RP1L1: variants seen among roughly 807,000 people sequenced by gnomAD.
RP1L1 encodes the protein retinitis pigmentosa 1-like 1 protein.
Under a neutral mutation model 15.7 loss-of-function variants are expected in RP1L1, and 27 were observed. That is an observed-to-expected ratio of 1.72 (90% CI 1.27 to 2.38). RP1L1 has a LOEUF of 2.38. RP1L1 is among the 30% of genes most tolerant of loss of function. The pLI is 0.00. For synonymous variants in RP1L1, 1,813 were observed against 1,276.7 expected (o/e 1.42, Z -8.96); for missense variants, 4,798 against 3,075.9 (o/e 1.56, Z -13.24).
intron 1 of RP1L1, among the ~76,000 whole-genome samples, chr8:10,629,973 A>G (rs1798215945): frequency 1.3e-5 from 2 of 152,112 alleles, no homozygotes; most frequent in South Asian, 4.2e-4. Context: ...CAGGGAGTCA[A>G]AGGTCAGAGT....
At chr8:10,614,954 C>T (rs1357264360) in intron 3 of RP1L1, among the ~76,000 whole-genome samples, 1 of 151,754 alleles carries the variant, frequency 6.6e-6, no homozygotes, top group Non-Finnish European at 1.5e-5. Context: ...CAAATTCCAT[C>T]TCCTGAGCCA....
rs761848726 is a variant in RP1L1, at chr8:10,610,597, C to A, written c.3501G>T (p.Gln1167His). ...TGAGCTCCCAGAGGCCTGAGTCCAG[C>A]TGGTCTTCCCCAACGTCACATCCTG... Reference protein sequence around the residue: ...LWPGCDVGEDQLDSGLWELTW... With the variant: ...LWPGCDVGEDHLDSGLWELTW... Residue 1167 changes from glutamine (Q) to histidine (H), a missense_variant, in exon 4 of 4, where the codon CAG becomes CAT. Physicochemically the swap from Gln to His is conservative, Grantham distance 24. Transcript: ENST00000382483. 6.2e-7 allele frequency: 1 copy of A among 1,613,580 alleles called. No individual in the cohort carries two copies. Among genetic ancestry groups the A allele is most frequent in the East Asian group, 2.2e-5 (1 of 44,882 alleles).
rs182218775 is a variant in RP1L1 at position 10,634,243 on chromosome 8, C to G, written c.-19-11023G>C. On this transcript the variant is annotated intron_variant, in intron 1 of 3. Transcript: ENST00000382483. ...TATCCACCTCCTAAATCAACTGAAC[C>G]ATGTGCCTGTCACCCTCTTCTGCAA... is the stretch of plus-strand genomic sequence containing the variant. Among the ~76,000 whole-genome samples, 487 of 152,320 alleles carry G rather than the reference C, an allele frequency of 3.2e-3. 5 individuals carry two copies. The highest frequency in any genetic ancestry group is 6.8e-3 in the Middle Eastern group (2 of 294).
Position 10,609,517 on chromosome 8 carries a change from C to T in RP1L1, c.4581G>A (p.Glu1527=), listed in dbSNP as rs1563121838. ...TGGCAAGGTGGGCCAGGAAGGCCTT[C>T]TCCGTCTTCTTCAGTAACACGGACA... is the stretch of plus-strand genomic sequence containing the variant. The part of the protein sequence containing the change: ...IWVSVLLKKT[E]KAFLAHLASA... Residue 1527 remains glutamate (E), a synonymous_variant, in exon 4 of 4, where the codon GAG becomes GAA. Transcript: ENST00000382483. 1.2e-6 allele frequency: 2 copies of T among 1,609,196 alleles called. No homozygotes were observed. The highest frequency in any genetic ancestry group is 1.1e-5 in the South Asian group (1 of 90,996).
At chr8:10,619,677 A>G (rs770782212) in intron 2 of RP1L1, among the ~76,000 whole-genome samples, 1 of 152,176 alleles carries the variant, frequency 6.6e-6, no homozygotes, top group African/African-American at 2.4e-5. Flanking sequence ...CTGTAATCCC[A>G]GCACTTTAGA....
intron 1 of RP1L1, among the ~76,000 whole-genome samples, chr8:10,625,907 G>A (rs993349456): frequency 8.5e-5 from 13 of 152,064 alleles, no homozygotes; most frequent in African/African-American, 3.1e-4. Flanking sequence ...GGGGCAGGCA[G>A]CGAGGGCAGC....
At chr8:10,625,508 G>T (rs2117231682) in intron 1 of RP1L1, among the ~76,000 whole-genome samples, 1 of 151,892 alleles carries the variant, frequency 6.6e-6, no homozygotes, top group African/African-American at 2.4e-5. Flanking sequence ...AGCCCATGGG[G>T]TGGGGGTGGG....
intron 2 of RP1L1, among the ~76,000 whole-genome samples, chr8:10,622,196 C>T (rs1798070312): frequency 6.6e-6 from 1 of 152,012 alleles, no homozygotes; most frequent in Non-Finnish European, 1.5e-5. Flanking sequence ...TAGCACATGC[C>T]TGTAATCCCA....
chr8:10,641,956 A>G lies in RP1L1; in HGVS notation c.-20+12942T>C, dbSNP rs1217783444. The stretch of plus-strand genomic sequence containing the variant: ...AGGAATGAAGCTGGGAGGGAAGTGG[A>G]TGTGGCTATAAGAGGCAGCAGGAGG... On this transcript the variant is annotated intron_variant, in intron 1 of 3. Transcript: ENST00000382483. 3.3e-5 allele frequency among the ~76,000 whole-genome samples: 5 copies of G among 152,196 alleles called. No homozygotes were observed. The East Asian group carries it at 9.6e-4, about 29-fold the overall frequency.
In RP1L1 at chr8:10,613,003, G is replaced by A. The variant is rs1797897162; in HGVS notation, c.1095C>T (p.Leu365=). The A allele has an allele frequency of 1.9e-6, 3 of 1,613,442 alleles. No homozygotes were observed. The highest frequency in any genetic ancestry group is 1.3e-5 in the African/African-American group (1 of 75,070). ...EDPVLGEVDP[L]CCVWEGYPWG... is the part of the protein sequence containing the mutation. ...AAGGGTAGCCCTCCCACACACAGCA[G>A]AGGGGGTCTACCTCCCCCAGAACGG... is the stretch of plus-strand genomic sequence containing the variant. Residue 365 remains leucine (L), a synonymous_variant, in exon 4 of 4, where the codon CTC becomes CTT. Coordinates refer to ENST00000382483, the MANE Select transcript of RP1L1 (RefSeq NM_178857.6).
chr8:10,616,269 G>A (rs1380030323), intron 3 of RP1L1, among the ~76,000 whole-genome samples, 177 bp downstream of exon 3: 1 of 152,134 alleles, frequency 6.6e-6, no homozygotes, highest in Non-Finnish European at 1.5e-5. Flanking sequence ...TTGAACCCAA[G>A]TAAGATTGAC....
Position 10,636,269 on chromosome 8 carries a change from G to A in RP1L1, c.-19-13049C>T, listed in dbSNP as rs532349203. Among the ~76,000 whole-genome samples the A allele has an allele frequency of 8.5e-5, 13 of 152,266 alleles. No individual in the cohort carries two copies. In the East Asian group the frequency reaches 9.7e-4, roughly 11 times the overall value. On this transcript the variant is annotated intron_variant, in intron 1 of 3. Transcript: ENST00000382483. Reference sequence around the variant, plus strand: ...AAGGGTTCTGGGGGCATCTGGGGCCGGTGACTCTTGCTTTGTCCAGCATGA... The same window carrying A: ...AAGGGTTCTGGGGGCATCTGGGGCCAGTGACTCTTGCTTTGTCCAGCATGA...
chr8:10,628,656 T>A (rs1257160870), intron 1 of RP1L1, among the ~76,000 whole-genome samples: 1 of 152,202 alleles, frequency 6.6e-6, no homozygotes, highest in Non-Finnish European at 1.5e-5. Flanking sequence ...CGTTCCTGAA[T>A]ATAGACTTTC....
chr8:10,639,534 G>A (rs1015143362), intron 1 of RP1L1, among the ~76,000 whole-genome samples: 4 of 152,010 alleles, frequency 2.6e-5, no homozygotes, highest in Admixed American at 2.6e-4. Context: ...CACCATACCC[G>A]GCTAATTTTT....
Position 10,606,883 on chromosome 8 carries a change from G to C in RP1L1, c.*12C>G, listed in dbSNP as rs772891137. 5.3e-5 allele frequency: 85 copies of C among 1,614,108 alleles called. No homozygotes were observed. In the East Asian group the frequency reaches 1.2e-3, roughly 22 times the overall value. On this transcript the variant is annotated 3_prime_UTR_variant, in exon 4 of 4. Coordinates refer to ENST00000382483, the MANE Select transcript of RP1L1 (RefSeq NM_178857.6). Reference sequence around the variant, plus strand: ...CTCCCAAGCTCGTGATTGTTTTCTAGCTTGATCTTGTCTAGAAATCTAAGT... The same window carrying C: ...CTCCCAAGCTCGTGATTGTTTTCTACCTTGATCTTGTCTAGAAATCTAAGT...
At chr8:10,623,261 G>A in intron 1 of RP1L1, 41 bp from the exon 2 acceptor site, 2 of 1,455,880 alleles carry the variant, frequency 1.4e-6, no homozygotes, top group South Asian at 2.7e-5. Context: ...GAGCAGCTTG[G>A]GGGATTGGCA....
intron 1 of RP1L1, among the ~76,000 whole-genome samples, chr8:10,640,809 C>T (rs948918452): frequency 2.0e-5 from 3 of 152,040 alleles, no homozygotes; most frequent in South Asian, 4.1e-4. Flanking sequence ...CAGGGTCTGT[C>T]GCCCAAGCTG....
At chr8:10,623,340 G>A (rs192303821) in intron 1 of RP1L1, 120 bp from the exon 2 acceptor site, 1 of 745,370 alleles carries the variant, frequency 1.3e-6, no homozygotes, top group Non-Finnish European at 2.1e-6. Flanking sequence ...CTCCACTATG[G>A]AGAGGCAAGT....
At chr8:10,618,554 T>C (rs1027517687) in intron 2 of RP1L1, among the ~76,000 whole-genome samples, 3 of 151,816 alleles carry the variant, frequency 2.0e-5, no homozygotes, top group Admixed American at 6.6e-5. Context: ...TAGCCAGGCA[T>C]AGTGGCATGT....
Sources: gnomAD v4.1 joint callset for allele counts (sites outside exome capture counted in the v4.1 genomes callset) on GRCh38, gnomAD v4.1.1 for gene constraint, MANE v1.5 for transcripts, NCBI Gene and HGNC (gene_info 2026-07-23, HGNC 2026-07-21) for gene names.